Variants in PRPF18 observed in about 807,000 individuals in gnomAD.
PRPF18 encodes pre-mRNA processing factor 18, also known as pre-mRNA-splicing factor 18.
A neutral mutation model predicts 46.5 loss-of-function variants in PRPF18; 38 were observed. The ratio of observed to expected loss-of-function variants is 0.82; its 90% CI spans 0.63 to 1.07. The LOEUF is 1.07. Ranked by LOEUF, PRPF18 falls within the 50% of genes least tolerant of loss-of-function variation. The pLI is 0.00. For synonymous variants in PRPF18, 152 were observed against 146.7 expected, an observed-to-expected ratio of 1.04 and a Z score of -0.26; for missense variants, 263 against 410.0, an observed-to-expected ratio of 0.64 and a Z score of 3.10.
intron 1 of PRPF18, among the ~76,000 whole-genome samples, chr10:13,589,898 A>T (rs925804022): frequency 6.6e-6 from 1 of 152,124 alleles, no homozygotes; most frequent in African/African-American, 2.4e-5. Context: ...AAATGTTTTT[A>T]TGTCTACTGC....
At position 13,606,733 on chromosome 10, in the gene PRPF18, CAAAAAA is replaced by C. The variant is rs34162273; in HGVS notation, c.363+1009_363+1014del. Among the ~76,000 whole-genome samples the C allele has an allele frequency of 2.5e-3, 184 of 73,016 alleles. 1 individual carries two copies. Among genetic ancestry groups the C allele is most frequent in the Non-Finnish European group, 3.4e-3 (134 of 39,858 alleles). 47.9% of individuals were successfully genotyped at this position (73,016 alleles called of 152,430 possible). A position where few individuals can be genotyped will look rare whatever the true frequency, so the allele number is the denominator to read the frequency against. ...CTGGCGACAGAGTGAGACTCCTTCTCAAAAAAAAAAAAAAAAAAAAAAAAACAGGGA... is the reference window on the plus strand; with the variant it reads ...CTGGCGACAGAGTGAGACTCCTTCTCAAAAAAAAAAAAAAAAAAACAGGGA... On this transcript the variant is annotated intron_variant, in intron 4 of 9. Coordinates refer to ENST00000378572, the MANE Select transcript of PRPF18 (RefSeq NM_003675.4).
chr10:13,650,879 T>A, the PRPF18 span, among the ~76,000 whole-genome samples: 1 of 152,214 alleles, frequency 6.6e-6, no homozygotes, highest in African/African-American at 2.4e-5. Flanking sequence ...CAGGCTCACA[T>A]AACATCTCCG....
chr10:13,623,133 G>A (rs539647946), intron 9 of PRPF18, among the ~76,000 whole-genome samples: 8 of 152,210 alleles, frequency 5.3e-5, no homozygotes, highest in East Asian at 1.9e-4. Flanking sequence ...CCCTGGAGGC[G>A]GAGGTTGCAG....
chr10:13,614,984 C>T (rs2080320311), intron 8 of PRPF18, among the ~76,000 whole-genome samples: 2 of 152,206 alleles, frequency 1.3e-5, no homozygotes, highest in African/African-American at 4.8e-5. Context: ...GGACTGCTGG[C>T]ATTCCTGAGT....
Position 13,610,198 on chromosome 10 carries a change from C to G in PRPF18, c.510+13C>G, listed in dbSNP as rs1163420517. 6.2e-7 allele frequency: 1 copy of G among 1,610,540 alleles called. No individual in the cohort carries two copies. The highest frequency in any genetic ancestry group is 8.5e-7 in the Non-Finnish European group (1 of 1,177,502). Reference sequence around the variant, plus strand: ...TGAAGAGTTAGAGGTAATCTCTACACCAAGCCCAGCACATCCCTGGCACCC... The same window carrying G: ...TGAAGAGTTAGAGGTAATCTCTACAGCAAGCCCAGCACATCCCTGGCACCC... On this transcript the variant is annotated intron_variant, in intron 5 of 9. Transcript: ENST00000378572.
At chr10:13,604,606 T>G (rs1199544291) in intron 3 of PRPF18, among the ~76,000 whole-genome samples, 1 of 152,194 alleles carries the variant, frequency 6.6e-6, no homozygotes. Flanking sequence ...TGGCTTCAGA[T>G]TTGATTTTCC....
At chr10:13,614,668 T>G (rs2080316033) in intron 8 of PRPF18, among the ~76,000 whole-genome samples, 1 of 152,164 alleles carries the variant, frequency 6.6e-6, no homozygotes, top group Admixed American at 6.5e-5. Flanking sequence ...TACTCCTGAA[T>G]GGGCTCTGGG....
chr10:13,616,356 A>G, intron 8 of PRPF18, 42 bp from the exon 9 acceptor site: 2 of 1,550,948 alleles, frequency 1.3e-6, no homozygotes, highest in Non-Finnish European at 8.8e-7. Context: ...AGCCAGTACA[A>G]CATTTTCGCC....
chr10:13,605,090 T>C (rs925972001), intron 3 of PRPF18, among the ~76,000 whole-genome samples: 2 of 152,180 alleles, frequency 1.3e-5, no homozygotes, highest in Non-Finnish European at 2.9e-5. Context: ...TGAGTCAAAA[T>C]AGATTTTTAA....
At chr10:13,604,871 T>A (rs1003899225) in intron 3 of PRPF18, among the ~76,000 whole-genome samples, 1 of 152,250 alleles carries the variant, frequency 6.6e-6, no homozygotes, top group Non-Finnish European at 1.5e-5. Context: ...GTCTTTCCAT[T>A]GTTTTTAAAA....
intron 8 of PRPF18, 68 bp downstream of exon 8, chr10:13,614,154 C>A: frequency 1.7e-6 from 2 of 1,192,068 alleles, no homozygotes; most frequent in South Asian, 1.7e-5. Context: ...ATATAATGTT[C>A]ATTTGGGATA....
chr10:13,633,108 T>C (rs1240848535), downstream of PRPF18, among the ~76,000 whole-genome samples: 1 of 152,170 alleles, frequency 6.6e-6, no homozygotes, highest in African/African-American at 2.4e-5. Flanking sequence ...ATTTCAGTCT[T>C]TGGGGGACAA....
chr10:13,597,571 T>A, intron 2 of PRPF18, 36 bp downstream of exon 2: 2 of 1,599,186 alleles, frequency 1.3e-6, no homozygotes, highest in Non-Finnish European at 8.6e-7. Context: ...ATTGTACATT[T>A]CTGAGTTTAA....
Position 13,614,736 on chromosome 10 carries a change from A to G in PRPF18, c.792+650A>G, listed in dbSNP as rs1026085161. ...AGGGCTCCCTGAGATAGAGTTTAGAAAGGGATGAGAGGAGGACTGTCAGTT... is the reference window on the plus strand; with the variant it reads ...AGGGCTCCCTGAGATAGAGTTTAGAGAGGGATGAGAGGAGGACTGTCAGTT... On this transcript the variant is annotated intron_variant, in intron 8 of 9. Coordinates refer to ENST00000378572, the MANE Select transcript of PRPF18 (RefSeq NM_003675.4). 2.6e-5 allele frequency among the ~76,000 whole-genome samples: 4 copies of G among 152,238 alleles called. No homozygotes were observed. In the East Asian group the frequency reaches 5.8e-4, roughly 22 times the overall value.
In PRPF18 at chr10:13,587,042, C is replaced by T. The variant is rs373644439; in HGVS notation, c.-45C>T. The T allele has an allele frequency of 3.4e-5, 54 of 1,596,722 alleles. No homozygotes were observed. The highest frequency in any genetic ancestry group is 4.3e-5 in the Non-Finnish European group (50 of 1,164,368). ...GCCGCCGGCCCAGTGAGGCTGGGTT[C>T]GAGGAGCTGGAGCGGGAAACTGGAG... On this transcript the variant is annotated 5_prime_UTR_variant, in exon 1 of 10. Transcript: ENST00000378572.
In PRPF18 at chr10:13,614,016, A is replaced by G; in HGVS notation, c.722A>G (p.Asn241Ser). The change falls in exon 8 of 10, where the codon AAT (asparagine) becomes AGT (serine). Residue 241 changes from asparagine (N) to serine (S), a missense_variant and splice_region_variant. Asn to Ser is a conservative substitution (Grantham distance 46). Coordinates refer to ENST00000378572, the MANE Select transcript of PRPF18 (RefSeq NM_003675.4). Reference sequence around the variant, plus strand: ...AAATTTCTTATTTATTTTTTTCAGAATCTTCCTGCTGATATTAAAGAATCA... The same window carrying G: ...AAATTTCTTATTTATTTTTTTCAGAGTCTTCCTGCTGATATTAAAGAATCA... ...RPLFRKLRKR[N>S]LPADIKESIT... The G allele has an allele frequency of 1.3e-6, 2 of 1,577,690 alleles. No homozygotes were observed. Among genetic ancestry groups the G allele is most frequent in the Non-Finnish European group, 1.7e-6 (2 of 1,159,886 alleles).
chr10:13,619,899 A>G (rs1412624736), intron 9 of PRPF18, among the ~76,000 whole-genome samples: 1 of 151,930 alleles, frequency 6.6e-6, no homozygotes, highest in African/African-American at 2.4e-5. Context: ...AAATAAAAAA[A>G]TTAACATCGT....
At chr10:13,631,327 G>GCAC (rs1430291060), downstream of PRPF18, 7 of 152,336 alleles carry the variant, frequency 4.6e-5, no homozygotes, top group African/African-American at 1.7e-4. Flanking sequence ...GTGAGTGGAT[G>GCAC]CTCCCGGAGC....
At chr10:13,595,102 T>C (rs2080014796) in intron 1 of PRPF18, among the ~76,000 whole-genome samples, 1 of 152,252 alleles carries the variant, frequency 6.6e-6, no homozygotes, top group Non-Finnish European at 1.5e-5. Flanking sequence ...AGGCCTTGCC[T>C]TTATTTTTGC....
Sources: gnomAD v4.1 joint callset for allele counts (sites outside exome capture counted in the v4.1 genomes callset) on GRCh38, gnomAD v4.1.1 for gene constraint, MANE v1.5 for transcripts, NCBI Gene and HGNC (gene_info 2026-07-23, HGNC 2026-07-21) for gene names.